Variants in REEP3 observed in about 807,000 individuals in gnomAD.
REEP3 encodes receptor accessory protein 3, also known as receptor expression-enhancing protein 3.
A neutral mutation model predicts 41.3 loss-of-function variants in REEP3; 20 were observed. That is an observed-to-expected ratio of 0.48 (90% CI 0.34 to 0.70). REEP3 has a LOEUF of 0.70. REEP3 is among the 30% of genes least tolerant of loss of function. The pLI is 0.01. For synonymous variants in REEP3, 104 were observed against 101.8 expected (o/e 1.02, Z -0.13); for missense variants, 271 against 308.8 (o/e 0.88, Z 0.92).
chr10:63,587,752 GC>G (rs1956020989), intron 2 of REEP3, among the ~76,000 whole-genome samples: 11 of 152,142 alleles, frequency 7.2e-5, no homozygotes, highest in Admixed American at 7.2e-4. Context: ...CTTCTCAAAA[GC>G]CTCACCTCAT....
At chr10:63,565,946 A>C in intron 1 of REEP3, among the ~76,000 whole-genome samples, 1 of 146,120 alleles carries the variant, frequency 6.8e-6, no homozygotes, top group African/African-American at 2.5e-5. Context: ...GTGCAGTGGC[A>C]CGATCTTGGC....
chr10:63,606,141 C>T (rs1956223004), intron 5 of REEP3: 1 of 941,278 alleles, frequency 1.1e-6, no homozygotes. Context: ...ACAGACAATT[C>T]TGCAGAGAAT....
intron 5 of REEP3, among the ~76,000 whole-genome samples, chr10:63,609,906 C>A (rs928023890): frequency 6.6e-6 from 1 of 152,126 alleles, no homozygotes; most frequent in Non-Finnish European, 1.5e-5. Flanking sequence ...CATCATACAT[C>A]TTTTACATTT....
At position 63,549,357 on chromosome 10, in the gene REEP3, C is replaced by G. The variant is rs552191440; in HGVS notation, c.33-16981C>G. On this transcript the variant is annotated intron_variant, in intron 1 of 7. Coordinates refer to ENST00000373758, the MANE Select transcript of REEP3 (RefSeq NM_001001330.3). ...CCACGGCTGGTGGATGACTTGAGCC[C>G]AGGAGTTGGAGACCAGCCTGGATAA... Among the ~76,000 whole-genome samples, 5 of 152,266 alleles carry G rather than the reference C, an allele frequency of 3.3e-5. No homozygotes were observed. The East Asian group carries it at 7.7e-4, about 23-fold the overall frequency.
chr10:63,581,801 T>G (rs1955956585), intron 2 of REEP3, among the ~76,000 whole-genome samples: 1 of 151,778 alleles, frequency 6.6e-6, no homozygotes, highest in Admixed American at 6.6e-5. Flanking sequence ...TTTTTAAAAA[T>G]TCTTTTATCT....
chr10:63,583,148 C>T (rs1217093696), intron 2 of REEP3, among the ~76,000 whole-genome samples: 1 of 152,008 alleles, frequency 6.6e-6, no homozygotes, highest in African/African-American at 2.4e-5. Flanking sequence ...CCCACCACCA[C>T]ACCCAGCTAA....
At chr10:63,535,214 A>G (rs957588766) in intron 1 of REEP3, among the ~76,000 whole-genome samples, 6 of 152,014 alleles carry the variant, frequency 3.9e-5, no homozygotes, top group Non-Finnish European at 5.9e-5. Context: ...ACATAAGGGG[A>G]AAAAAAGATG....
chr10:63,542,923 A>G (rs539804442), intron 1 of REEP3, among the ~76,000 whole-genome samples: 2 of 152,304 alleles, frequency 1.3e-5, no homozygotes, highest in East Asian at 1.9e-4. Flanking sequence ...TGCCACAGGT[A>G]TCATCAGAGT....
chr10:63,540,960 CTAA>C (rs1327691325), intron 1 of REEP3, among the ~76,000 whole-genome samples: 16 of 152,012 alleles, frequency 1.1e-4, no homozygotes, highest in African/African-American at 3.9e-4. Flanking sequence ...TCTTTCTCTA[CTAA>C]TAATATGAAA....
chr10:63,532,517 C>G (rs1211150671), intron 1 of REEP3, among the ~76,000 whole-genome samples: 1 of 152,040 alleles, frequency 6.6e-6, no homozygotes, highest in Non-Finnish European at 1.5e-5. Context: ...AAAAAATTAT[C>G]CGGGCGTGTT....
At chr10:63,584,470 C>G (rs79621795) in intron 2 of REEP3, among the ~76,000 whole-genome samples, 2 of 149,562 alleles carry the variant, frequency 1.3e-5, no homozygotes, top group African/African-American at 2.5e-5. Flanking sequence ...GCCACAGTCT[C>G]TAGTCACTTT....
intron 1 of REEP3, among the ~76,000 whole-genome samples, chr10:63,526,657 G>A (rs541431121): frequency 6.6e-6 from 1 of 152,056 alleles, no homozygotes; most frequent in South Asian, 2.1e-4. Context: ...CAGCACAGTT[G>A]AATGCTTGTC....
At chr10:63,553,018 G>T (rs1487008274) in intron 1 of REEP3, among the ~76,000 whole-genome samples, 1 of 152,190 alleles carries the variant, frequency 6.6e-6, no homozygotes, top group African/African-American at 2.4e-5. Flanking sequence ...ACTCACAAAT[G>T]CTTTTACAAT....
chr10:63,599,800 C>A, intron 5 of REEP3: 1 of 454,680 alleles, frequency 2.2e-6, no homozygotes, highest in Non-Finnish European at 2.9e-6. Context: ...GTTGTGTTTG[C>A]AAGCCAAGTT....
At chr10:63,605,540 A>G (rs1324545642) in intron 5 of REEP3, among the ~76,000 whole-genome samples, 1 of 152,222 alleles carries the variant, frequency 6.6e-6, no homozygotes, top group Non-Finnish European at 1.5e-5. Flanking sequence ...ATGTTTTTAA[A>G]TCTGTGATTT....
Position 63,613,642 on chromosome 10 carries a change from C to T in REEP3, c.565+3308C>T, listed in dbSNP as rs141392197. On this transcript the variant is annotated intron_variant, in intron 6 of 7. Coordinates refer to ENST00000373758, the MANE Select transcript of REEP3 (RefSeq NM_001001330.3). ...TGAAGAGAAGTTAAAAATAGATTGT[C>T]TAGATAGACACAAACCCAGGTGTAC... Among the ~76,000 whole-genome samples, 1,383 of 152,202 alleles carry T rather than the reference C, an allele frequency of 9.1e-3. 15 individuals are homozygous for T. Among genetic ancestry groups the T allele is most frequent in the Non-Finnish European group, 0.014 (973 of 68,010 alleles).
chr10:63,550,350 A>G (rs1267815981), intron 1 of REEP3, among the ~76,000 whole-genome samples: 1 of 152,254 alleles, frequency 6.6e-6, no homozygotes, highest in Non-Finnish European at 1.5e-5. Flanking sequence ...TCCAAGTTCT[A>G]AAGGGAATTA....
chr10:63,564,620 CAG>C (rs758837880), intron 1 of REEP3, among the ~76,000 whole-genome samples: 12 of 136,140 alleles, frequency 8.8e-5, no homozygotes, highest in Non-Finnish European at 1.5e-4. Context: ...GACCCTGTCT[CAG>C]AAAAAAAAAA....
intron 1 of REEP3, among the ~76,000 whole-genome samples, chr10:63,524,668 ACTC>A (rs1955341962): frequency 6.6e-6 from 1 of 151,372 alleles, no homozygotes; most frequent in African/African-American, 2.4e-5. Context: ...CTGGCCTTGA[ACTC>A]CTAGCCTCAA....
Sources: gnomAD v4.1 joint callset for allele counts (sites outside exome capture counted in the v4.1 genomes callset) on GRCh38, gnomAD v4.1.1 for gene constraint, MANE v1.5 for transcripts, NCBI Gene and HGNC (gene_info 2026-07-23, HGNC 2026-07-21) for gene names.